Variants in DYNC2H1 observed in about 807,000 individuals in gnomAD.
The protein encoded by DYNC2H1 is dynein cytoplasmic 2 heavy chain 1, also known as cytoplasmic dynein 2 heavy chain 1.
DYNC2H1 carries 410 observed loss-of-function variants against 570.0 expected under a neutral mutation model. The ratio of observed to expected loss-of-function variants is 0.72; its 90% CI spans 0.66 to 0.78. The LOEUF (loss-of-function observed/expected upper bound fraction) is 0.78, where lower values mean the gene tolerates loss of function less well. DYNC2H1 is among the 30% of genes least tolerant of loss of function. DYNC2H1 has a pLI of 0.00. For missense variants in DYNC2H1, 4,865 were observed against 5,046.4 expected (o/e 0.96, Z 1.09); for synonymous variants, 1,688 against 1,677.6 (o/e 1.01, Z -0.15).
intron 84 of DYNC2H1, among the ~76,000 whole-genome samples, chr11:103,420,465 G>C (rs1943446703): frequency 1.3e-5 from 2 of 152,136 alleles, no homozygotes. Context: ...AAAGTATTAA[G>C]GGCAGTCACA....
rs1156900273 is a variant in DYNC2H1 at position 103,296,608 on chromosome 11, C to A, written c.11096-6485C>A. ...ATTTGCCTTAGTACTCATACTCATTCTGCTTTCCTTTCTCTGACTGTGAAT... is the reference window on the plus strand; with the variant it reads ...ATTTGCCTTAGTACTCATACTCATTATGCTTTCCTTTCTCTGACTGTGAAT... On this transcript the variant is annotated intron_variant, in intron 75 of 88. Coordinates refer to ENST00000375735, the MANE Select transcript of DYNC2H1 (RefSeq NM_001377.3). 5.3e-5 allele frequency among the ~76,000 whole-genome samples: 8 copies of A among 152,262 alleles called. No homozygotes were observed. In the South Asian group the frequency reaches 1.7e-3, roughly 31 times the overall value.
At chr11:103,450,068 G>C (rs1180886304) in intron 85 of DYNC2H1, among the ~76,000 whole-genome samples, 1 of 152,038 alleles carries the variant, frequency 6.6e-6, no homozygotes, top group African/African-American at 2.4e-5. Context: ...ATTAAATATT[G>C]AGCAAAATAG....
At chr11:103,132,649 GGTGT>G (rs5794209) in intron 13 of DYNC2H1, among the ~76,000 whole-genome samples, 55 of 148,176 alleles carry the variant, frequency 3.7e-4, no homozygotes, top group South Asian at 6.5e-4. Flanking sequence ...GAGGGTTGGG[GGTGT>G]GTGTGTGTGT....
At position 103,303,254 on chromosome 11, in the gene DYNC2H1, G is replaced by T. The variant is rs543946816; in HGVS notation, c.11256+1G>T. On this transcript the variant is annotated splice_donor_variant, in intron 76 of 88. Transcript: ENST00000375735. LOFTEE classifies it high-confidence loss of function. The stretch of plus-strand genomic sequence containing the variant: ...AAGAAGCGGAGAGTGTTATCACCAG[G>T]TAAGTACATATTGTCCCGCTGTTTT... 2 of 1,610,642 alleles carry T rather than the reference G, an allele frequency of 1.2e-6. No homozygotes were observed. Among genetic ancestry groups the T allele is most frequent in the East Asian group, 2.2e-5 (1 of 44,770 alleles).
chr11:103,332,869 G>T (rs1412927693), intron 82 of DYNC2H1, among the ~76,000 whole-genome samples: 1 of 152,018 alleles, frequency 6.6e-6, no homozygotes, highest in Non-Finnish European at 1.5e-5. Context: ...CAGGTGTGGT[G>T]GCACACGCCT....
At chr11:103,198,453 C>T (rs574201532) in intron 48 of DYNC2H1, among the ~76,000 whole-genome samples, 2 of 152,204 alleles carry the variant, frequency 1.3e-5, no homozygotes, top group African/African-American at 2.4e-5. Context: ...GTCCAGATGT[C>T]TAAGAGGCTC....
intron 83 of DYNC2H1, among the ~76,000 whole-genome samples, chr11:103,387,853 T>C (rs557927285): frequency 9.2e-5 from 14 of 152,316 alleles, no homozygotes; most frequent in African/African-American, 2.6e-4. Context: ...TTCTGTTCCA[T>C]TGGTCTATAT....
At chr11:103,345,521 A>G (rs1337699632) in intron 82 of DYNC2H1, among the ~76,000 whole-genome samples, 1 of 152,216 alleles carries the variant, frequency 6.6e-6, no homozygotes, top group Non-Finnish European at 1.5e-5. Flanking sequence ...CTGGTGGGTT[A>G]AAGTGGTACT....
At chr11:103,210,241 A>G (rs1299420521) in intron 53 of DYNC2H1, among the ~76,000 whole-genome samples, 2 of 151,968 alleles carry the variant, frequency 1.3e-5, no homozygotes, top group African/African-American at 2.4e-5. Flanking sequence ...ACCTACTTAA[A>G]TTGTTTAGAG....
intron 84 of DYNC2H1, among the ~76,000 whole-genome samples, chr11:103,431,684 G>A (rs1418284143): frequency 1.3e-5 from 2 of 152,048 alleles, no homozygotes; most frequent in Non-Finnish European, 2.9e-5. Flanking sequence ...AACATAATCT[G>A]TCCTTTGGGA....
chr11:103,169,269 C>G (rs1450308332), intron 32 of DYNC2H1, among the ~76,000 whole-genome samples: 1 of 151,964 alleles, frequency 6.6e-6, no homozygotes, highest in Non-Finnish European at 1.5e-5. Context: ...TATAGACAAC[C>G]TCAGTCAAAG....
intron 88 of DYNC2H1, among the ~76,000 whole-genome samples, chr11:103,470,805 C>T (rs929453186): frequency 6.6e-5 from 10 of 152,202 alleles, no homozygotes; most frequent in Admixed American, 3.3e-4. Flanking sequence ...TTTCTTAATC[C>T]AGTCTATCGT....
chr11:103,441,705 A>G (rs142971927), intron 85 of DYNC2H1, among the ~76,000 whole-genome samples: 47 of 152,254 alleles, frequency 3.1e-4, no homozygotes, highest in African/African-American at 9.4e-4. Flanking sequence ...TTCATTATCT[A>G]TTTTGAGATT....
rs567541539 is a variant in DYNC2H1 at position 103,439,910 on chromosome 11, A to G, written c.12456+3878A>G. 6.6e-6 allele frequency among the ~76,000 whole-genome samples: 1 copy of G among 152,132 alleles called. No individual in the cohort carries two copies. The highest frequency in any genetic ancestry group is 2.1e-4 in the South Asian group (1 of 4,824). On this transcript the variant is annotated intron_variant, in intron 85 of 88. Transcript: ENST00000375735. This position sits in a 1 kb window ranked among gnomAD's most constrained non-coding sequence, Gnocchi z 4.1. Reference sequence around the variant, plus strand: ...TTCTTCAGAAATAACATCTTCAAAGAGTTTCTTGTGTTCCTGATTTCCACT... The same window carrying G: ...TTCTTCAGAAATAACATCTTCAAAGGGTTTCTTGTGTTCCTGATTTCCACT...
At chr11:103,333,193 G>T (rs926632295) in intron 82 of DYNC2H1, among the ~76,000 whole-genome samples, 2 of 152,202 alleles carry the variant, frequency 1.3e-5, no homozygotes, top group Non-Finnish European at 2.9e-5. Context: ...CCATATTTTT[G>T]AATTCAAAGT....
chr11:103,377,372 T>A (rs1008017529), intron 83 of DYNC2H1, among the ~76,000 whole-genome samples: 3 of 152,024 alleles, frequency 2.0e-5, no homozygotes, highest in Non-Finnish European at 4.4e-5. Flanking sequence ...CAGAGACTCT[T>A]TTTTTCTGCT....
chr11:103,127,378 T>G (rs111743709), intron 12 of DYNC2H1, among the ~76,000 whole-genome samples: 94 of 152,262 alleles, frequency 6.2e-4, no homozygotes, highest in African/African-American at 2.2e-3. Flanking sequence ...GAATGTTGGA[T>G]AGATAGCAGT....
At chr11:103,208,149 C>G (rs1403355966) in intron 52 of DYNC2H1, among the ~76,000 whole-genome samples, 1 of 151,842 alleles carries the variant, frequency 6.6e-6, no homozygotes, top group African/African-American at 2.4e-5. Context: ...GAGTGGCTGA[C>G]AAAAGGTTGG....
In DYNC2H1 at chr11:103,222,073, G is replaced by A. The variant is rs748682676; in HGVS notation, c.9151G>A (p.Asp3051Asn). ...TGTAAGAGAAGACATAGCAACCTTTGATGCCCGAAATATTTCAAAGGAAAT... is the reference window on the plus strand; with the variant it reads ...TGTAAGAGAAGACATAGCAACCTTTAATGCCCGAAATATTTCAAAGGAAAT... Reference protein sequence around the residue: ...RGVREDIATFDARNISKEIRE... With the variant: ...RGVREDIATFNARNISKEIRE... Residue 3051 changes from aspartate to asparagine, a missense_variant, in exon 58 of 89, where the codon GAT becomes AAT. Asp to Asn is a conservative substitution (Grantham distance 23, BLOSUM62 1). This residue lies in a region of DYNC2H1 where 2,401 missense variants were observed against 2,454.6 expected (regional missense o/e 0.98). Transcript: ENST00000375735. 10 of 1,611,452 alleles carry A rather than the reference G, an allele frequency of 6.2e-6. No homozygotes were observed. Among genetic ancestry groups the A allele is most frequent in the Non-Finnish European group, 5.9e-6 (7 of 1,178,644 alleles).
Sources: allele counts gnomAD v4.1 joint callset (sites outside exome capture counted in the v4.1 genomes callset), GRCh38; gene constraint gnomAD v4.1.1; regional missense constraint gnomAD v4.1.1; non-coding constraint Gnocchi (gnomAD v3.1); transcripts MANE v1.5; gene names NCBI Gene and HGNC (gene_info 2026-07-23, HGNC 2026-07-21).